DNAH6: variants seen among roughly 807,000 people sequenced by gnomAD.
DNAH6 encodes dynein axonemal heavy chain 6.
In DNAH6, 340 loss-of-function variants were observed where a neutral mutation model predicts 491.4. The ratio of observed to expected loss-of-function variants is 0.69; its 90% CI spans 0.63 to 0.76. The LOEUF (loss-of-function observed/expected upper bound fraction) is 0.76. Ranked by LOEUF, DNAH6 falls within the 30% of genes least tolerant of loss-of-function variation. The probability of loss-of-function intolerance (pLI) is 0.00; values close to 1 mark genes in which losing one functional copy is unlikely to be tolerated. For missense variants in DNAH6, 4,443 were observed against 4,972.2 expected (o/e 0.89, Z 3.20); for synonymous variants, 1,603 against 1,686.1 (o/e 0.95, Z 1.21).
In DNAH6 at chr2:84,745,491, G is replaced by A. The variant is rs902957657; in HGVS notation, c.10512+242G>A. Among the ~76,000 whole-genome samples the A allele has an allele frequency of 3.9e-5, 6 of 151,964 alleles. No homozygotes were observed. The South Asian group carries it at 8.3e-4, about 21-fold the overall frequency. The stretch of plus-strand genomic sequence containing the variant: ...CCATCGTGGCTAACACGGTGAAACC[G>A]CGTCTCTACTAAAAATACAAAATAA... On this transcript the variant is annotated intron_variant, in intron 63 of 76. Transcript: ENST00000389394.
At chr2:84,692,547 C>T (rs1192298) in intron 45 of DNAH6, among the ~76,000 whole-genome samples, 16,279 of 151,858 alleles carry the variant, frequency 0.11, 1,527 homozygotes, top group African/African-American at 0.25. Context: ...ATATTTATCC[C>T]ATGATTTCTA....
At chr2:84,723,164 G>A (rs942625064) in intron 60 of DNAH6, among the ~76,000 whole-genome samples, 17 of 152,114 alleles carry the variant, frequency 1.1e-4, no homozygotes, top group Non-Finnish European at 1.3e-4. Context: ...GGAGGTGGAT[G>A]TTTCAATGAG....
chr2:84,605,368 A>G lies in DNAH6; in HGVS notation c.3082-132A>G, dbSNP rs996173146. The G allele has an allele frequency of 4.4e-5, 28 of 638,512 alleles. No homozygotes were observed. The African/African-American group carries it at 5.2e-4, about 12-fold the overall frequency. The allele number at this position is 638,512 out of a possible 1,614,324, so 39.6% of individuals were successfully genotyped here. A position where few individuals can be genotyped will look rare whatever the true frequency, so the allele number is the denominator to read the frequency against. On this transcript the variant is annotated intron_variant, in intron 19 of 76. Coordinates refer to ENST00000389394, the MANE Select transcript of DNAH6 (RefSeq NM_001370.2). ...ACTCTATCTCAAAAAAAAAAAAAAA[A>G]AAGAATTTTAGAGAGCAATAAGGAG...
intron 69 of DNAH6, among the ~76,000 whole-genome samples, chr2:84,797,090 T>A (rs1423716994): frequency 6.6e-6 from 1 of 152,212 alleles, no homozygotes; most frequent in African/African-American, 2.4e-5. Context: ...GCAATCACTA[T>A]AGATAGTTGA....
chr2:84,704,010 T>C, intron 50 of DNAH6, 57 bp from the exon 51 acceptor site: 1 of 1,352,572 alleles, frequency 7.4e-7, no homozygotes, highest in Non-Finnish European at 1.0e-6. Flanking sequence ...TGGCTTTGTT[T>C]TGAATATTAA....
chr2:84,733,126 T>A (rs2104984370), intron 61 of DNAH6, among the ~76,000 whole-genome samples: 1 of 152,346 alleles, frequency 6.6e-6, no homozygotes, highest in African/African-American at 2.4e-5. Flanking sequence ...GAAAAATTAT[T>A]AACCTTAGGA....
chr2:84,796,107 A>C (rs1449491644), intron 68 of DNAH6, among the ~76,000 whole-genome samples, 199 bp from the exon 69 acceptor site: 1 of 152,218 alleles, frequency 6.6e-6, no homozygotes, highest in Admixed American at 6.5e-5. Flanking sequence ...AGTAGAGTAC[A>C]TATAGTAGAT....
chr2:84,697,773 T>C (rs1278493968), intron 47 of DNAH6, 46 bp downstream of exon 47: 1 of 1,547,754 alleles, frequency 6.5e-7, no homozygotes, highest in Admixed American at 2.0e-5. Flanking sequence ...CAAAAACGTT[T>C]CTTCACCTTT....
chr2:84,785,623 C>T lies in DNAH6; in HGVS notation c.10967C>T (p.Pro3656Leu), dbSNP rs1677101991. 7.8e-6 allele frequency: 12 copies of T among 1,536,764 alleles called. No homozygotes were observed. Among genetic ancestry groups the T allele is most frequent in the Non-Finnish European group, 1.1e-5 (12 of 1,142,682 alleles). ...LQNSVKVTNE[P>L]PKGLRANIRR... ...ATCTAAATCCAGGTGACCAATGAGC[C>T]TCCAAAAGGCTTACGTGCAAATATC... is the stretch of plus-strand genomic sequence containing the variant. Residue 3656 changes from proline (P) to leucine (L), a missense_variant, in exon 67 of 77, where the codon CCT becomes CTT. This residue lies in a region of DNAH6 where 1,463 missense variants were observed against 1,656.6 expected (regional missense o/e 0.88). Coordinates refer to ENST00000389394, the MANE Select transcript of DNAH6 (RefSeq NM_001370.2).
chr2:84,817,478 A>G (rs972578279), intron 76 of DNAH6, among the ~76,000 whole-genome samples: 3 of 152,150 alleles, frequency 2.0e-5, no homozygotes, highest in African/African-American at 7.2e-5. Context: ...AAAACAATCC[A>G]GCTGTCTAGC....
At chr2:84,674,867 G>T (rs1693082158) in intron 40 of DNAH6, among the ~76,000 whole-genome samples, 2 of 152,128 alleles carry the variant, frequency 1.3e-5, no homozygotes, top group South Asian at 2.1e-4. Context: ...CTGGCACTCT[G>T]AGGCTCCCAC....
chr2:84,743,546 G>C (rs1047408392), intron 62 of DNAH6, among the ~76,000 whole-genome samples: 1 of 152,160 alleles, frequency 6.6e-6, no homozygotes, highest in Non-Finnish European at 1.5e-5. Flanking sequence ...ATTAAGCTAG[G>C]TGTGGTGGCT....
chr2:84,595,973 C>G (rs796905088), intron 18 of DNAH6, among the ~76,000 whole-genome samples, 184 bp downstream of exon 18: 6 of 152,266 alleles, frequency 3.9e-5, no homozygotes, highest in African/African-American at 1.4e-4. Flanking sequence ...TTGGCCAAAT[C>G]ATGCAGTTGA....
intron 4 of DNAH6, among the ~76,000 whole-genome samples, chr2:84,537,134 G>T (rs1235000335): frequency 1.3e-5 from 2 of 152,040 alleles, no homozygotes; most frequent in East Asian, 3.9e-4. Context: ...CTGACCTTTG[G>T]CTAATCCTGC....
At chr2:84,785,517 C>A in intron 66 of DNAH6, 93 bp from the exon 67 acceptor site, 1 of 1,265,818 alleles carries the variant, frequency 7.9e-7, no homozygotes, top group Non-Finnish European at 1.0e-6. Flanking sequence ...CAATCTACAT[C>A]ATTTCAATGG....
At chr2:84,510,290 C>G in the DNAH6 span, among the ~76,000 whole-genome samples, 1 of 152,120 alleles carries the variant, frequency 6.6e-6, no homozygotes, top group African/African-American at 2.4e-5. Flanking sequence ...ATTCTTTTTT[C>G]TCTAAACTTC....
At chr2:84,492,860 T>TA in the DNAH6 span, among the ~76,000 whole-genome samples, 1 of 152,002 alleles carries the variant, frequency 6.6e-6, no homozygotes, top group Non-Finnish European at 1.5e-5. Flanking sequence ...CTAAAGATAA[T>TA]AAAAAATAAT....
intron 45 of DNAH6, among the ~76,000 whole-genome samples, chr2:84,692,282 G>A (rs1300490064): frequency 2.0e-5 from 3 of 152,190 alleles, no homozygotes; most frequent in Non-Finnish European, 2.9e-5. Context: ...TTACATGTGG[G>A]AAATAGTTAG....
the DNAH6 span, among the ~76,000 whole-genome samples, chr2:84,476,498 T>G: frequency 6.6e-6 from 1 of 152,306 alleles, no homozygotes; most frequent in East Asian, 1.9e-4. Flanking sequence ...TTTTTCAGTT[T>G]CCCTTTCTTT....
Sources: gnomAD v4.1 joint callset for allele counts (sites outside exome capture counted in the v4.1 genomes callset) on GRCh38, gnomAD v4.1.1 for gene constraint, gnomAD v4.1.1 regional missense constraint, MANE v1.5 for transcripts, NCBI Gene and HGNC (gene_info 2026-07-23, HGNC 2026-07-21) for gene names.